Variants in METTL21A observed in about 807,000 individuals in gnomAD.
METTL21A encodes the protein protein N-lysine methyltransferase METTL21A.
Under a neutral mutation model 20.9 loss-of-function variants are expected in METTL21A, and 22 were observed. The observed-to-expected ratio is 1.05, with a 90% CI of 0.75 to 1.50. The LOEUF (loss-of-function observed/expected upper bound fraction) is 1.50, where lower values mean the gene tolerates loss of function less well. METTL21A is among the 40% of genes most tolerant of loss of function. The pLI is 0.00. For synonymous variants in METTL21A, 93 were observed against 102.0 expected, an observed-to-expected ratio of 0.91 and a Z score of 0.53; for missense variants, 271 against 266.8, an observed-to-expected ratio of 1.02 and a Z score of -0.11.
chr2:207,588,588 G>GTGTCA, intron 3 of METTL21A, among the ~76,000 whole-genome samples: 1 of 152,206 alleles, frequency 6.6e-6, no homozygotes, highest in East Asian at 1.9e-4. Context: ...GGATTGTGTT[G>GTGTCA]TGTCTATAGA....
chr2:207,598,056 A>C (rs2086458974), intron 3 of METTL21A: 1 of 181,286 alleles, frequency 5.5e-6, no homozygotes, highest in Non-Finnish European at 1.2e-5. Context: ...AAGATGTCAA[A>C]TAAAGCAAAG....
At chr2:207,594,083 A>C (rs1255492646) in intron 3 of METTL21A, among the ~76,000 whole-genome samples, 1 of 152,204 alleles carries the variant, frequency 6.6e-6, no homozygotes, top group Non-Finnish European at 1.5e-5. Context: ...TCAGGAAATT[A>C]AGGTTAAGTA....
chr2:207,592,663 G>A (rs766935689), intron 3 of METTL21A, among the ~76,000 whole-genome samples: 42 of 152,024 alleles, frequency 2.8e-4, no homozygotes, highest in Non-Finnish European at 5.4e-4. Flanking sequence ...GCTCACGCAT[G>A]TAATCCCAGC....
intron 3 of METTL21A, chr2:207,598,308 A>C (rs1273841745): frequency 5.4e-6 from 1 of 183,598 alleles, no homozygotes; most frequent in Non-Finnish European, 1.2e-5. Context: ...CTCTTGTAAA[A>C]AGAGTAGTTA....
downstream of METTL21A, among the ~76,000 whole-genome samples, chr2:207,607,413 A>C (rs1457569377): frequency 6.6e-6 from 1 of 151,920 alleles, no homozygotes; most frequent in African/African-American, 2.4e-5. Flanking sequence ...AAAGAAAGAA[A>C]GAAAGAAAAC....
intron 3 of METTL21A, among the ~76,000 whole-genome samples, chr2:207,587,314 A>G (rs2084044511): frequency 6.6e-6 from 1 of 151,124 alleles, no homozygotes; most frequent in Non-Finnish European, 1.5e-5. Flanking sequence ...AATGGCGTGA[A>G]CCCGGAAGGC....
upstream of METTL21A, chr2:207,625,979 G>A (rs57431868): frequency 7.2e-5 from 11 of 152,494 alleles, no homozygotes; most frequent in African/African-American, 2.6e-4. Context: ...AGTGGGGCGG[G>A]GGTCGGCGGG....
At chr2:207,596,666 C>T (rs757090171) in intron 3 of METTL21A, among the ~76,000 whole-genome samples, 3 of 152,188 alleles carry the variant, frequency 2.0e-5, no homozygotes, top group Non-Finnish European at 4.4e-5. Context: ...CTCCTGACCT[C>T]AGGTGATCTC....
At chr2:207,600,422 T>A (rs910268098) in intron 3 of METTL21A, 2 of 194,108 alleles carry the variant, frequency 1.0e-5, no homozygotes, top group African/African-American at 4.6e-5. Context: ...ATGATTGATT[T>A]TATCTTCTAA....
intron 3 of METTL21A, among the ~76,000 whole-genome samples, chr2:207,592,416 A>G (rs2085224043): frequency 6.6e-6 from 1 of 151,772 alleles, no homozygotes; most frequent in Admixed American, 6.6e-5. Context: ...AAAAATAAAA[A>G]AAGATGTCAC....
chr2:207,586,521 T>C (rs1021108558), intron 3 of METTL21A, among the ~76,000 whole-genome samples: 41 of 152,172 alleles, frequency 2.7e-4, no homozygotes, highest in African/African-American at 9.7e-4. Flanking sequence ...ACTTCATGGC[T>C]AAGACTCCAA....
intron 3 of METTL21A, among the ~76,000 whole-genome samples, chr2:207,585,839 C>T (rs1395229107): frequency 6.6e-6 from 1 of 152,028 alleles, no homozygotes; most frequent in African/African-American, 2.4e-5. Context: ...CAGTCAAACA[C>T]ACACTAAAAA....
At chr2:207,603,571 A>G (rs2087503341) in intron 3 of METTL21A, 1 of 224,134 alleles carries the variant, frequency 4.5e-6, no homozygotes, top group Non-Finnish European at 8.9e-6. Context: ...TAATTCAGAC[A>G]ACAACATGTC....
At chr2:207,619,086 C>T (rs2090154986) in intron 3 of METTL21A, among the ~76,000 whole-genome samples, 1 of 151,940 alleles carries the variant, frequency 6.6e-6, no homozygotes, top group Non-Finnish European at 1.5e-5. Flanking sequence ...ATGCACAGTC[C>T]TCAGAACACA....
chr2:207,605,649 T>C (rs2087963122), downstream of METTL21A, among the ~76,000 whole-genome samples: 1 of 152,204 alleles, frequency 6.6e-6, no homozygotes, highest in Non-Finnish European at 1.5e-5. Flanking sequence ...CTCCCTTTTT[T>C]TACACAAAAG....
chr2:207,596,271 T>C (rs2106636790), intron 3 of METTL21A, among the ~76,000 whole-genome samples: 1 of 152,382 alleles, frequency 6.6e-6, no homozygotes, highest in South Asian at 2.1e-4. Flanking sequence ...TAAGATTTTC[T>C]ATTTAAAGGA....
chr2:207,623,042 G>A (rs530396835), intron 2 of METTL21A, among the ~76,000 whole-genome samples: 1 of 152,182 alleles, frequency 6.6e-6, no homozygotes, highest in Admixed American at 6.5e-5. Flanking sequence ...CGAGTAGCTA[G>A]GACTACAGGT....
Position 207,621,933 on chromosome 2 carries a change from G to T in METTL21A, c.148-16C>A. 6.2e-7 allele frequency: 1 copy of T among 1,606,464 alleles called. No individual in the cohort carries two copies. The highest frequency in any genetic ancestry group is 8.5e-7 in the Non-Finnish European group (1 of 1,173,154). On this transcript the variant is annotated splice_polypyrimidine_tract_variant and intron_variant, in intron 2 of 3. Coordinates refer to ENST00000406927, the Ensembl canonical transcript of METTL21A. ...GAACGATGGCCTGAATGAAAACACA[G>T]TGTGATGACGATTAAGGTCAACATG...
At chr2:207,621,668 T>A (rs2090492981) in intron 3 of METTL21A, 138 bp downstream of exon 3, 2 of 690,638 alleles carry the variant, frequency 2.9e-6, no homozygotes, top group Admixed American at 2.6e-5. Flanking sequence ...CCCCAGCAGT[T>A]GGCCCACAAC....
Sources: allele counts gnomAD v4.1 joint callset (sites outside exome capture counted in the v4.1 genomes callset), GRCh38; gene constraint gnomAD v4.1.1; transcripts MANE v1.5; gene names NCBI Gene and HGNC (gene_info 2026-07-23, HGNC 2026-07-21).